PCDHGB3: variants seen among roughly 807,000 people sequenced by gnomAD.
PCDHGB3 encodes protocadherin gamma subfamily B, 3.
In PCDHGB3, 40 loss-of-function variants were observed where a neutral mutation model predicts 59.2. The ratio of observed to expected loss-of-function variants is 0.68; its 90% CI spans 0.52 to 0.88. The LOEUF (loss-of-function observed/expected upper bound fraction) is 0.88, where lower values mean the gene tolerates loss of function less well. Ranked by LOEUF, PCDHGB3 falls within the 40% of genes least tolerant of loss-of-function variation. The probability of loss-of-function intolerance (pLI) is 0.00; values close to 1 mark genes in which losing one functional copy is unlikely to be tolerated. For synonymous variants in PCDHGB3, 581 were observed against 503.6 expected (o/e 1.15, Z -2.06); for missense variants, 1,309 against 1,187.9 (o/e 1.10, Z -1.50).
chr5:141,478,635 A>T, intron 1 of PCDHGB3: 1 of 1,552,830 alleles, frequency 6.4e-7, no homozygotes, highest in Non-Finnish European at 8.7e-7. Context: ...TTTTTTAGTG[A>T]TGAAGATGTT....
At chr5:141,399,063 A>C in intron 1 of PCDHGB3, 1 of 1,613,714 alleles carries the variant, frequency 6.2e-7, no homozygotes. Flanking sequence ...AGGAATATTC[A>C]ATGGTTGTAG....
At chr5:141,383,193 G>C (rs911488617) in intron 1 of PCDHGB3, 1 of 1,614,066 alleles carries the variant, frequency 6.2e-7, no homozygotes, top group Non-Finnish European at 8.5e-7. Context: ...TCTGCGCTCA[G>C]AGTGCGCGGT....
chr5:141,491,802 G>A lies in PCDHGB3; in HGVS notation c.2416-3005G>A. 6.7e-7 allele frequency: 1 copy of A among 1,497,480 alleles called. No homozygotes were observed. Among genetic ancestry groups the A allele is most frequent in the East Asian group, 2.5e-5 (1 of 40,518 alleles). The allele number at this position is 1,497,480 out of a possible 1,614,324, so 92.8% of individuals were successfully genotyped here. ...ACTTGCATCCACTCCTCTCCGGCCG[G>A]CTTGGTCGCTGGCTGCGCTCCACCC... On this transcript the variant is annotated intron_variant, in intron 1 of 3. Coordinates refer to ENST00000576222, the MANE Select transcript of PCDHGB3 (RefSeq NM_018924.5). The surrounding 1 kb of genome is among the most constrained non-coding windows in gnomAD (Gnocchi z 6.9).
chr5:141,468,226 G>T (rs967204965), intron 1 of PCDHGB3, among the ~76,000 whole-genome samples: 2 of 151,038 alleles, frequency 1.3e-5, no homozygotes, highest in Admixed American at 1.3e-4. Flanking sequence ...TTGGGAGGAT[G>T]AGGTAGGAGA....
rs370127569 is a variant in PCDHGB3 at position 141,422,859 on chromosome 5, C to T, written c.2415+50050C>T. 1.4e-5 allele frequency: 22 copies of T among 1,614,148 alleles called. No homozygotes were observed. In the African/African-American group the frequency reaches 2.5e-4, roughly 19 times the overall value. ...GTGACAGCGGGGACCCGCCCCTCAG[C>T]AGCAACGTGTCGCTGAGCCTGTTCG... On this transcript the variant is annotated intron_variant, in intron 1 of 3. Transcript: ENST00000576222.
chr5:141,404,289 A>G (rs552765425), intron 1 of PCDHGB3: 15 of 1,614,006 alleles, frequency 9.3e-6, no homozygotes, highest in East Asian at 4.5e-5. Flanking sequence ...ACTGACATCA[A>G]TGATAATCCA....
At chr5:141,437,188 G>T (rs1303844523) in intron 1 of PCDHGB3, among the ~76,000 whole-genome samples, 1 of 152,146 alleles carries the variant, frequency 6.6e-6, no homozygotes, top group Non-Finnish European at 1.5e-5. Context: ...CTGGGCAATG[G>T]GTTTGGATGT....
intron 1 of PCDHGB3, chr5:141,393,560 G>A (rs1448273528): frequency 1.5e-5 from 24 of 1,613,796 alleles, no homozygotes; most frequent in Non-Finnish European, 2.0e-5. Context: ...TTTACCGAGT[G>A]AAAGTCCTTG....
At chr5:141,386,456 G>T (rs2090582697) in intron 1 of PCDHGB3, among the ~76,000 whole-genome samples, 1 of 152,278 alleles carries the variant, frequency 6.6e-6, no homozygotes, top group East Asian at 1.9e-4. Flanking sequence ...CAAGAGGACA[G>T]CTTGAACCCA....
intron 1 of PCDHGB3, chr5:141,404,457 C>A: frequency 1.2e-6 from 2 of 1,612,824 alleles, no homozygotes; most frequent in Non-Finnish European, 1.7e-6. Flanking sequence ...TCTCCTCTCT[C>A]CACCTATGTC....
rs2099404773 is a variant in PCDHGB3 at position 141,477,081 on chromosome 5, T to C, written c.2416-17726T>C. ...GACACCAAACTCCATGAGATTTACA[T>C]CCAGGCCAAAGACAAGGGCGCCAAT... On this transcript the variant is annotated intron_variant, in intron 1 of 3. Transcript: ENST00000576222. The surrounding 1 kb of genome is among the most constrained non-coding windows in gnomAD (Gnocchi z 4.9). 6.2e-7 allele frequency: 1 copy of C among 1,614,104 alleles called. No individual in the cohort carries two copies. Among genetic ancestry groups the C allele is most frequent in the Non-Finnish European group, 8.5e-7 (1 of 1,180,052 alleles).
intron 1 of PCDHGB3, chr5:141,409,520 T>A (rs1177702875): frequency 6.2e-7 from 1 of 1,613,848 alleles, no homozygotes; most frequent in East Asian, 2.2e-5. Flanking sequence ...AAGCATCACC[T>A]TGTATGTCGC....
chr5:141,436,185 A>G (rs1324749623), intron 1 of PCDHGB3, among the ~76,000 whole-genome samples: 1 of 152,142 alleles, frequency 6.6e-6, no homozygotes, highest in Non-Finnish European at 1.5e-5. Flanking sequence ...ATATAGTCAA[A>G]TAGAAAGAAA....
In PCDHGB3 at chr5:141,371,298, A is replaced by G. The variant is rs1767641174; in HGVS notation, c.904A>G (p.Thr302Ala). 6.2e-7 allele frequency: 1 copy of G among 1,614,018 alleles called. No homozygotes were observed. The highest frequency in any genetic ancestry group is 8.5e-7 in the Non-Finnish European group (1 of 1,179,896). ...FKLDSKTGEL[T>A]TIGELDFEER... is the part of the protein sequence containing the mutation. ...GCTGGACAGTAAAACGGGGGAACTC[A>G]CCACTATTGGAGAACTGGACTTTGA... is the stretch of plus-strand genomic sequence containing the variant. Residue 302 changes from threonine to alanine, a missense_variant, in exon 1 of 4, where the codon ACC (threonine) becomes GCC (alanine). Thr to Ala is a moderately conservative substitution (Grantham distance 58, BLOSUM62 0). Coordinates refer to ENST00000576222, the MANE Select transcript of PCDHGB3 (RefSeq NM_018924.5).
chr5:141,393,460 A>T, intron 1 of PCDHGB3: 1 of 1,614,052 alleles, frequency 6.2e-7, no homozygotes, highest in Non-Finnish European at 8.5e-7. Flanking sequence ...ACGGCCTCGG[A>T]TGGCGGCAAG....
chr5:141,473,763 G>A (rs1333191998), intron 1 of PCDHGB3, among the ~76,000 whole-genome samples: 1 of 152,204 alleles, frequency 6.6e-6, no homozygotes, highest in African/African-American at 2.4e-5. Context: ...ACTATGCAAA[G>A]GATTTGGTAT....
intron 1 of PCDHGB3, chr5:141,415,152 C>T (rs758450562): frequency 6.2e-7 from 1 of 1,613,812 alleles, no homozygotes; most frequent in Admixed American, 1.7e-5. Context: ...CCCCTCTCTC[C>T]GCCACTGTCA....
At position 141,415,266 on chromosome 5, in the gene PCDHGB3, G is replaced by C. The variant is rs371754316; in HGVS notation, c.2415+42457G>C. 49 of 1,614,100 alleles carry C rather than the reference G, an allele frequency of 3.0e-5. No individual in the cohort carries two copies. The African/African-American group carries it at 6.4e-4, about 21-fold the overall frequency. On this transcript the variant is annotated intron_variant, in intron 1 of 3. Transcript: ENST00000576222. ...AAACCTCAGACCTCACTCTGTACCT[G>C]GTGGTAGCGGTGGCCGCGGTCTCCT...
chr5:141,395,559 T>TA (rs2093276349), intron 1 of PCDHGB3: 2 of 220,962 alleles, frequency 9.1e-6, no homozygotes, highest in Admixed American at 1.1e-4. Flanking sequence ...TGTGTGTGTG[T>TA]GTGTGTGTGT....
Sources: allele counts gnomAD v4.1 joint callset (sites outside exome capture counted in the v4.1 genomes callset), GRCh38; gene constraint gnomAD v4.1.1; non-coding constraint Gnocchi (gnomAD v3.1); transcripts MANE v1.5; gene names NCBI Gene and HGNC (gene_info 2026-07-23, HGNC 2026-07-21).